Variants in DEPTOR observed in about 807,000 individuals in gnomAD.
DEPTOR encodes DEP domain-containing mTOR-interacting protein.
DEPTOR carries 41 observed loss-of-function variants against 41.6 expected under a neutral mutation model. The observed-to-expected ratio is 0.98, with a 90% CI of 0.77 to 1.28. The LOEUF (loss-of-function observed/expected upper bound fraction) is 1.28. Ranked by LOEUF, DEPTOR falls within the 50% of genes most tolerant of loss-of-function variation. DEPTOR has a pLI of 0.00. For synonymous variants in DEPTOR, 195 were observed against 192.3 expected, an observed-to-expected ratio of 1.01 and a Z score of -0.12; for missense variants, 514 against 527.9, an observed-to-expected ratio of 0.97 and a Z score of 0.26.
At chr8:119,973,688 G>A (rs1357084064) in intron 4 of DEPTOR, among the ~76,000 whole-genome samples, 1 of 152,216 alleles carries the variant, frequency 6.6e-6, no homozygotes, top group Admixed American at 6.5e-5. Flanking sequence ...GGCCTACCAG[G>A]CTACCGCTGC....
intron 1 of DEPTOR, among the ~76,000 whole-genome samples, chr8:119,909,833 G>C (rs1827714515): frequency 6.6e-6 from 1 of 152,230 alleles, no homozygotes; most frequent in Non-Finnish European, 1.5e-5. Context: ...TTTCGCAAAT[G>C]AGATGCAGTA....
At chr8:119,883,962 C>T (rs574124057) in intron 1 of DEPTOR, among the ~76,000 whole-genome samples, 3 of 152,180 alleles carry the variant, frequency 2.0e-5, no homozygotes, top group East Asian at 3.8e-4. Context: ...TAGCACAGTA[C>T]GCTCAGTAGC....
intron 3 of DEPTOR, among the ~76,000 whole-genome samples, chr8:119,936,756 G>A (rs1295429224): frequency 2.0e-5 from 3 of 152,202 alleles, no homozygotes; most frequent in Non-Finnish European, 4.4e-5. Context: ...AAGCGTAGTG[G>A]CCCACACCTG....
intron 1 of DEPTOR, among the ~76,000 whole-genome samples, chr8:119,927,501 T>C (rs932676161): frequency 3.3e-5 from 5 of 151,332 alleles, no homozygotes; most frequent in African/African-American, 1.2e-4. Flanking sequence ...CTGTGTTGTA[T>C]TTCTTTCTAG....
intron 8 of DEPTOR, among the ~76,000 whole-genome samples, chr8:120,039,699 A>C (rs1813031125): frequency 1.3e-5 from 2 of 152,050 alleles, no homozygotes; most frequent in South Asian, 4.2e-4. Flanking sequence ...TATTCTCAGG[A>C]GCCTGATTAT....
At chr8:119,928,720 T>A in intron 2 of DEPTOR, 142 bp downstream of exon 2, 1 of 727,078 alleles carries the variant, frequency 1.4e-6, no homozygotes, top group Non-Finnish European at 2.0e-6. Context: ...TCTTCCTGCC[T>A]CTAAGAGGCA....
At chr8:119,880,396 T>TA (rs1827284112) in intron 1 of DEPTOR, among the ~76,000 whole-genome samples, 1 of 152,170 alleles carries the variant, frequency 6.6e-6, no homozygotes, top group African/African-American at 2.4e-5. Context: ...AAAGATCATT[T>TA]AAACCAACAG....
chr8:120,045,204 G>A (rs189342585), intron 8 of DEPTOR, among the ~76,000 whole-genome samples: 10 of 152,264 alleles, frequency 6.6e-5, no homozygotes, highest in African/African-American at 1.9e-4. Context: ...ATGTGGGAAC[G>A]CAAGGGAGTG....
chr8:119,946,565 T>C (rs1052119321), intron 3 of DEPTOR, among the ~76,000 whole-genome samples: 6 of 151,810 alleles, frequency 4.0e-5, no homozygotes, highest in African/African-American at 1.5e-4. Flanking sequence ...TGAAACCCCA[T>C]GTCTACTAAA....
chr8:119,982,929 C>G (rs754298398), intron 4 of DEPTOR, among the ~76,000 whole-genome samples: 6 of 152,158 alleles, frequency 3.9e-5, no homozygotes, highest in Non-Finnish European at 8.8e-5. Flanking sequence ...CACTACTGCC[C>G]TGAGCAAAAT....
intron 1 of DEPTOR, among the ~76,000 whole-genome samples, chr8:119,886,462 C>CAT (rs1444661659): frequency 9.2e-6 from 1 of 108,452 alleles, no homozygotes; most frequent in Non-Finnish European, 1.9e-5. Flanking sequence ...CACAGACACA[C>CAT]ACACACATAC....
At chr8:120,043,306 C>T (rs1417205698) in intron 8 of DEPTOR, among the ~76,000 whole-genome samples, 1 of 151,932 alleles carries the variant, frequency 6.6e-6, no homozygotes, top group Non-Finnish European at 1.5e-5. Context: ...AAATTACTAC[C>T]TTGAATATTA....
chr8:120,003,102 C>T lies in DEPTOR; in HGVS notation c.916C>T (p.Pro306Ser), dbSNP rs1457228249. 1 of 1,612,118 alleles carries T rather than the reference C, an allele frequency of 6.2e-7. No homozygotes were observed. The highest frequency in any genetic ancestry group is 8.5e-7 in the Non-Finnish European group (1 of 1,179,888). ...LSSSPPVLCN[P>S]KSVLKRPVTS... Reference sequence around the variant, plus strand: ...CAGCAGCCCCCCTGTGCTCTGCAACCCCAAGTCCGGTGAGTGCCCAAAAGG... The same window carrying T: ...CAGCAGCCCCCCTGTGCTCTGCAACTCCAAGTCCGGTGAGTGCCCAAAAGG... The change falls in exon 6 of 9, where the codon CCC becomes TCC. Residue 306 changes from proline to serine, a missense_variant. Transcript: ENST00000286234.
intron 3 of DEPTOR, among the ~76,000 whole-genome samples, chr8:119,959,161 T>TCTTTC (rs1401843567): frequency 2.3e-5 from 3 of 131,546 alleles, no homozygotes; most frequent in African/African-American, 8.7e-5. Context: ...TTTCTTTCTT[T>TCTTTC]TTTTTTTTTT....
chr8:120,041,616 C>A (rs1376580139), intron 8 of DEPTOR, among the ~76,000 whole-genome samples: 2 of 152,192 alleles, frequency 1.3e-5, no homozygotes, highest in African/African-American at 4.8e-5. Context: ...CAGCTCACTA[C>A]AACCTCTGCC....
chr8:119,972,850 C>T (rs188437958), intron 4 of DEPTOR, among the ~76,000 whole-genome samples: 10 of 152,276 alleles, frequency 6.6e-5, no homozygotes, highest in Admixed American at 5.9e-4. Flanking sequence ...AGATTATTAA[C>T]CTCTGAAATC....
intron 8 of DEPTOR, among the ~76,000 whole-genome samples, chr8:120,026,206 G>A (rs1342647527): frequency 6.6e-6 from 1 of 151,870 alleles, no homozygotes; most frequent in Non-Finnish European, 1.5e-5. Flanking sequence ...CTGTAGCAGT[G>A]TAGATTTAGT....
At chr8:119,918,714 C>T (rs1456953788) in intron 1 of DEPTOR, among the ~76,000 whole-genome samples, 5 of 152,144 alleles carry the variant, frequency 3.3e-5, no homozygotes, top group Non-Finnish European at 7.3e-5. Context: ...CCTCCTTGGC[C>T]TCCCAAAGTG....
intron 8 of DEPTOR, among the ~76,000 whole-genome samples, chr8:120,026,009 C>T (rs1423761559): frequency 6.7e-6 from 1 of 149,758 alleles, no homozygotes; most frequent in East Asian, 2.0e-4. Flanking sequence ...TTTCTGAGAC[C>T]GAGTTTCACT....
Sources: gnomAD v4.1 joint callset for allele counts (sites outside exome capture counted in the v4.1 genomes callset) on GRCh38, gnomAD v4.1.1 for gene constraint, MANE v1.5 for transcripts, NCBI Gene and HGNC (gene_info 2026-07-23, HGNC 2026-07-21) for gene names.